Variants in SNF8 observed in about 807,000 individuals in gnomAD.
SNF8 encodes the protein vacuolar-sorting protein SNF8.
SNF8 carries 19 observed loss-of-function variants against 36.8 expected under a neutral mutation model. The observed-to-expected ratio is 0.52, with a 90% CI of 0.36 to 0.76. SNF8 has a LOEUF of 0.76. Among genes scored for constraint, SNF8 ranks in the 30% least tolerant of loss-of-function variants. The pLI is 0.00. For synonymous variants in SNF8, 127 were observed against 127.4 expected (o/e 1.00, Z 0.02); for missense variants, 268 against 322.9 (o/e 0.83, Z 1.30).
chr17:48,933,661 G>A (rs1051280069), intron 5 of SNF8: 2 of 290,722 alleles, frequency 6.9e-6, no homozygotes, highest in African/African-American at 4.3e-5. Context: ...TTGAGCCCAG[G>A]AGTTCAAGGC....
Position 48,933,074 on chromosome 17 carries a change from C to T in SNF8, c.564+131G>A, listed in dbSNP as rs1036750730. The stretch of plus-strand genomic sequence containing the variant: ...TAAATGTCTGCTGAACAAGCACAGG[C>T]CTGAGTAGTTCATCCACTGGATAGT... On this transcript the variant is annotated intron_variant, in intron 6 of 7. Transcript: ENST00000502492. 94 of 931,102 alleles carry T rather than the reference C, an allele frequency of 1.0e-4. No individual in the cohort carries two copies. The Middle Eastern group carries it at 1.3e-3, about 13-fold the overall frequency. 57.7% of individuals were successfully genotyped at this position (931,102 alleles called of 1,614,324 possible). A position where few individuals can be genotyped will look rare whatever the true frequency, so the allele number is the denominator to read the frequency against.
intron 6 of SNF8, chr17:48,932,943 G>C (rs1457500751): frequency 2.7e-6 from 1 of 364,974 alleles, no homozygotes; most frequent in African/African-American, 2.1e-5. Context: ...TTAGTTGTCT[G>C]CATGTCTGTC....
At chr17:48,938,332 A>C (rs1460544288) in intron 3 of SNF8, among the ~76,000 whole-genome samples, 1 of 151,608 alleles carries the variant, frequency 6.6e-6, no homozygotes, top group African/African-American at 2.4e-5. Flanking sequence ...CCCCGTCTCT[A>C]CTAAAAATAC....
At chr17:48,935,079 A>G (rs1327328460) in intron 5 of SNF8, among the ~76,000 whole-genome samples, 4 of 152,126 alleles carry the variant, frequency 2.6e-5, no homozygotes, top group African/African-American at 9.7e-5. Flanking sequence ...TCACGACTAT[A>G]TACAGCCCTG....
At chr17:48,943,799 C>G in intron 2 of SNF8, 126 bp downstream of exon 2, 1 of 805,176 alleles carries the variant, frequency 1.2e-6, no homozygotes, top group Non-Finnish European at 2.2e-6. Flanking sequence ...CTCAGCGGCT[C>G]AGAAATCAAA....
intron 5 of SNF8, among the ~76,000 whole-genome samples, chr17:48,935,536 C>T (rs886131494): frequency 6.6e-6 from 1 of 150,398 alleles, no homozygotes; most frequent in Non-Finnish European, 1.5e-5. Context: ...AAAAAATTAG[C>T]CGGGCATGGT....
chr17:48,940,494 A>G (rs539953779), intron 3 of SNF8, among the ~76,000 whole-genome samples: 1 of 151,978 alleles, frequency 6.6e-6, no homozygotes, highest in East Asian at 1.9e-4. Context: ...GGTACTCCCT[A>G]AAGACGACAC....
At position 48,940,167 on chromosome 17, in the gene SNF8, G is replaced by A. The variant is rs573974715; in HGVS notation, c.244+757C>T. Among the ~76,000 whole-genome samples, 159 of 150,206 alleles carry A rather than the reference G, an allele frequency of 1.1e-3. 1 individual carries two copies. The highest frequency in any genetic ancestry group is 5.9e-3 in the South Asian group (28 of 4,710). On this transcript the variant is annotated intron_variant, in intron 3 of 7. Transcript: ENST00000502492. ...AGCAATCCTCCCACCTTAGCCTCCC[G>A]AGTAGCTGGACTATAGACACATGCC...
intron 4 of SNF8, chr17:48,936,687 G>C: frequency 2.6e-6 from 1 of 391,514 alleles, no homozygotes; most frequent in East Asian, 5.3e-5. Context: ...CGGAGAGACA[G>C]TGCAGGACTA....
chr17:48,942,536 G>C (rs914127221), intron 2 of SNF8, among the ~76,000 whole-genome samples: 1 of 152,008 alleles, frequency 6.6e-6, no homozygotes, highest in Non-Finnish European at 1.5e-5. Context: ...TAAACTCGGA[G>C]CACGTACAGA....
At chr17:48,931,524 G>T in intron 7 of SNF8, 119 bp downstream of exon 7, 1 of 784,860 alleles carries the variant, frequency 1.3e-6, no homozygotes, top group Non-Finnish European at 2.1e-6. Context: ...TAGCATGGCA[G>T]CAGTAGCCTT....
In SNF8 at chr17:48,936,208, C is replaced by T; in HGVS notation, c.384G>A (p.Val128=). The T allele has an allele frequency of 6.2e-7, 1 of 1,614,098 alleles. No individual in the cohort carries two copies. The change falls in exon 5 of 8, where the codon GTG becomes GTA. Residue 128 remains valine (V), a synonymous_variant. Coordinates refer to ENST00000502492, the MANE Select transcript of SNF8 (RefSeq NM_007241.4). Reference sequence around the variant, plus strand: ...GGGCGAACTTGCCCCTTCCCTTCAACACCTGTTGATGTAGTTCCTCCAAAG... The same window carrying T: ...GGGCGAACTTGCCCCTTCCCTTCAATACCTGTTGATGTAGTTCCTCCAAAG... ...LITLEELHQQ[V]LKGRGKFAQD...
At chr17:48,936,545 G>T in intron 4 of SNF8, 2 of 318,244 alleles carry the variant, frequency 6.3e-6, no homozygotes, top group Admixed American at 4.6e-5. Context: ...ATTTGTAAAT[G>T]GTTTTAAGTT....
intron 6 of SNF8, 49 bp downstream of exon 6, chr17:48,933,156 C>T (rs1323189380): frequency 1.2e-6 from 2 of 1,602,258 alleles, no homozygotes; most frequent in South Asian, 1.1e-5. Flanking sequence ...CCAGACTTGC[C>T]TCACAGACTG....
chr17:48,942,639 G>A (rs1567790199), intron 2 of SNF8, among the ~76,000 whole-genome samples: 1 of 152,102 alleles, frequency 6.6e-6, no homozygotes, highest in African/African-American at 2.4e-5. Flanking sequence ...CATGATGGTG[G>A]TGTGGGTGCC....
rs943386416 is a variant in SNF8, at chr17:48,929,790, A to G, written c.*685T>C. On this transcript the variant is annotated 3_prime_UTR_variant, in exon 8 of 8. Coordinates refer to ENST00000502492, the MANE Select transcript of SNF8 (RefSeq NM_007241.4). ...TGAAATTTAAGTGAGCTGTATGTAA[A>G]ATGGCACAGGGTAGGTGTTCAGTAA... 20 of 152,142 alleles carry G rather than the reference A, an allele frequency of 1.3e-4. No homozygotes were observed. Among genetic ancestry groups the G allele is most frequent in the African/African-American group, 4.6e-4 (19 of 41,428 alleles). 9.4% of individuals were successfully genotyped at this position (152,142 alleles called of 1,614,324 possible). A position where few individuals can be genotyped will look rare whatever the true frequency, so the allele number is the denominator to read the frequency against.
rs140782184 is a variant in SNF8 at position 48,933,294 on chromosome 17, C to T, written c.475G>A (p.Gly159Ser). ...KKLKALGTGFGIIPVGGTYLI... is the reference protein window; with the variant it reads ...KKLKALGTGFSIIPVGGTYLI... ...TAAGTGCCGCCCACAGGGATGATGC[C>T]GAAGCCAGTGCCAAGTGCCTTTAGT... Residue 159 changes from glycine (G) to serine (S), a missense_variant, in exon 6 of 8, where the codon GGC (glycine) becomes AGC (serine). Coordinates refer to ENST00000502492, the MANE Select transcript of SNF8 (RefSeq NM_007241.4). The T allele has an allele frequency of 3.3e-5, 54 of 1,614,168 alleles. No homozygotes were observed. In the African/African-American group the frequency reaches 5.7e-4, roughly 17 times the overall value.
intron 5 of SNF8, chr17:48,933,558 A>G: frequency 3.6e-6 from 2 of 561,814 alleles, no homozygotes; most frequent in South Asian, 2.3e-5. Flanking sequence ...CCTGGGCAAC[A>G]CAGCAAGACC....
chr17:48,933,413 T>C, intron 5 of SNF8, 67 bp from the exon 6 acceptor site: 1 of 1,575,046 alleles, frequency 6.3e-7, no homozygotes, highest in Non-Finnish European at 8.7e-7. Context: ...GTTTCAGCTC[T>C]GCCCTGGGCA....
Sources: gnomAD v4.1 joint callset for allele counts (sites outside exome capture counted in the v4.1 genomes callset) on GRCh38, gnomAD v4.1.1 for gene constraint, MANE v1.5 for transcripts, NCBI Gene and HGNC (gene_info 2026-07-23, HGNC 2026-07-21) for gene names.